NSDHL: variants seen among roughly 807,000 people sequenced by gnomAD.
NSDHL encodes sterol-4-alpha-carboxylate 3-dehydrogenase, decarboxylating.
NSDHL carries 1 observed loss-of-function variant against 23.0 expected under a neutral mutation model. The observed-to-expected ratio is 0.04, with a 90% CI of 0.02 to 0.21. The LOEUF is 0.21. NSDHL is among the 10% of genes least tolerant of loss of function. The pLI is 1.00. For synonymous variants in NSDHL, 128 were observed against 121.1 expected (o/e 1.06, Z -0.37); for missense variants, 237 against 300.9 (o/e 0.79, Z 1.57).
intron 1 of NSDHL, 61 bp downstream of exon 1, chrX:152,831,178 G>A (rs1933008940): frequency 3.4e-6 from 1 of 296,745 alleles, no homozygotes; most frequent in Non-Finnish European, 5.9e-6. Context: ...CAGTGCGGGA[G>A]GGTGGGGAGC....
intron 2 of NSDHL, among the ~76,000 whole-genome samples, chrX:152,849,778 T>C (rs1166663779): frequency 4.4e-5 from 5 of 112,844 alleles, no homozygotes; most frequent in African/African-American, 1.6e-4. Context: ...GGACTGACTT[T>C]GTCCTGCAAG....
intron 1 of NSDHL, among the ~76,000 whole-genome samples, chrX:152,845,122 A>G (rs1296644204): frequency 8.9e-6 from 1 of 111,959 alleles, no homozygotes; most frequent in Non-Finnish European, 1.9e-5. Context: ...ATGTTCCCCC[A>G]AATGGCTCCT....
Position 152,850,240 on chromosome X carries a change from C to A in NSDHL, c.109-25C>A. On this transcript the variant is annotated intron_variant, in intron 2 of 7. Coordinates refer to ENST00000370274, the MANE Select transcript of NSDHL (RefSeq NM_015922.3). ...TTCCAGTCCTCACTACCCTGGTCTT[C>A]CCCACCGTTCCTCTCTTTCCACAGG... is the stretch of plus-strand genomic sequence containing the variant. The A allele has an allele frequency of 2.5e-6, 3 of 1,207,587 alleles. No individual in the cohort carries two copies. The South Asian group carries it at 5.3e-5, about 21-fold the overall frequency.
intron 1 of NSDHL, among the ~76,000 whole-genome samples, chrX:152,843,773 T>C (rs1256124635): frequency 8.9e-6 from 1 of 112,856 alleles, no homozygotes; most frequent in African/African-American, 3.2e-5. Context: ...ATGCTATTCA[T>C]TGAATGAGGC....
At chrX:152,832,061 T>C (rs3761503) in intron 1 of NSDHL, among the ~76,000 whole-genome samples, 31,397 of 109,968 alleles carry the variant, frequency 0.29, 4,099 homozygotes, top group African/African-American at 0.5. Flanking sequence ...CGTGTCCCCT[T>C]CCATCGCTCC....
At chrX:152,845,100 G>C (rs1219373930) in intron 1 of NSDHL, among the ~76,000 whole-genome samples, 1 of 111,915 alleles carries the variant, frequency 8.9e-6, no homozygotes, top group Non-Finnish European at 1.9e-5. Flanking sequence ...CTTCCATTAT[G>C]AGTTCAGAAA....
At chrX:152,836,873 A>C (rs1433442404) in intron 1 of NSDHL, among the ~76,000 whole-genome samples, 7 of 112,247 alleles carry the variant, frequency 6.2e-5, no homozygotes, top group African/African-American at 2.3e-4. Flanking sequence ...GATGGCATTG[A>C]ATCTATAAAT....
chrX:152,831,904 G>A (rs1405780983), intron 1 of NSDHL, among the ~76,000 whole-genome samples: 1 of 111,350 alleles, frequency 9.0e-6, no homozygotes, highest in Admixed American at 9.5e-5. Context: ...AAAGGCCCGA[G>A]GCTTATTAGA....
intron 1 of NSDHL, among the ~76,000 whole-genome samples, chrX:152,842,217 G>C (rs782233126): frequency 8.9e-6 from 1 of 111,810 alleles, no homozygotes; most frequent in South Asian, 3.8e-4. Flanking sequence ...TAGTTTTTGG[G>C]GGTATATGCC....
At chrX:152,858,699 G>A in intron 3 of NSDHL, 71 bp from the exon 4 acceptor site, 2 of 982,033 alleles carry the variant, frequency 2.0e-6, no homozygotes, top group South Asian at 3.9e-5. Flanking sequence ...CAGGTTGGAG[G>A]GTGAAAACAT....
At chrX:152,839,291 C>T (rs1299314060) in intron 1 of NSDHL, among the ~76,000 whole-genome samples, 1 of 111,912 alleles carries the variant, frequency 8.9e-6, no homozygotes, top group Non-Finnish European at 1.9e-5. Flanking sequence ...GCATTTAGCC[C>T]ATTTACATTT....
intron 3 of NSDHL, among the ~76,000 whole-genome samples, chrX:152,853,128 CGTGTGT>C (rs35307183): frequency 3.1e-5 from 3 of 97,155 alleles, no homozygotes; most frequent in South Asian, 5.7e-4. Context: ...CTCTCAGGCA[CGTGTGT>C]GTGTGTGTGT....
At chrX:152,833,668 T>G (rs1238604548) in intron 1 of NSDHL, among the ~76,000 whole-genome samples, 1 of 112,360 alleles carries the variant, frequency 8.9e-6, no homozygotes, top group African/African-American at 3.2e-5. Flanking sequence ...TTTTACTCAC[T>G]CTTCTGGGGC....
At chrX:152,842,678 T>G (rs1444955619) in intron 1 of NSDHL, among the ~76,000 whole-genome samples, 2 of 111,202 alleles carry the variant, frequency 1.8e-5, no homozygotes, top group Admixed American at 1.9e-4. Context: ...ATTTTTGTAT[T>G]TTTAGTAGAG....
At chrX:152,834,974 C>G (rs781977197) in intron 1 of NSDHL, among the ~76,000 whole-genome samples, 8 of 108,473 alleles carry the variant, frequency 7.4e-5, no homozygotes, top group African/African-American at 2.3e-4. Flanking sequence ...CAACCTTTCC[C>G]CTTTACAAAG....
In NSDHL at chrX:152,841,427, C is replaced by A. The variant is rs78310666; in HGVS notation, c.-43-4855C>A. On this transcript the variant is annotated intron_variant, in intron 1 of 7. Coordinates refer to ENST00000370274, the MANE Select transcript of NSDHL (RefSeq NM_015922.3). The stretch of plus-strand genomic sequence containing the variant: ...GCTGCAGACCGGAGCTGTTCCTATT[C>A]GGCCCTCTTGGAATGAACTGAGTTC... Among the ~76,000 whole-genome samples, 538 of 112,167 alleles carry A rather than the reference C, an allele frequency of 4.8e-3. 5 individuals carry two copies. In the South Asian group the frequency reaches 0.06, roughly 13 times the overall value.
At chrX:152,848,396 A>G (rs998299232) in intron 2 of NSDHL, among the ~76,000 whole-genome samples, 2 of 112,377 alleles carry the variant, frequency 1.8e-5, no homozygotes, top group Non-Finnish European at 3.8e-5. Flanking sequence ...CCTGGGGTAA[A>G]GGCCAGTTTG....
At chrX:152,849,312 GA>G (rs1556845987) in intron 2 of NSDHL, among the ~76,000 whole-genome samples, 1 of 111,923 alleles carries the variant, frequency 8.9e-6, no homozygotes, top group Non-Finnish European at 1.9e-5. Flanking sequence ...ATGAGCTAAG[GA>G]AATTGGAGGT....
intron 6 of NSDHL, 90 bp downstream of exon 6, chrX:152,866,051 G>A (rs1556848062): frequency 9.8e-7 from 1 of 1,017,900 alleles, no homozygotes; most frequent in East Asian, 3.0e-5. Flanking sequence ...TGGCATTGTA[G>A]CTCTTTTCTT....
Sources: allele counts gnomAD v4.1 joint callset (sites outside exome capture counted in the v4.1 genomes callset), GRCh38; gene constraint gnomAD v4.1.1; transcripts MANE v1.5; gene names NCBI Gene and HGNC (gene_info 2026-07-23, HGNC 2026-07-21).